Variants in ACBD6 observed in about 807,000 individuals in gnomAD.
ACBD6 encodes acyl-CoA binding domain containing 6.
In ACBD6, 28 loss-of-function variants were observed where a neutral mutation model predicts 37.2. The observed-to-expected ratio is 0.75, with a 90% CI of 0.56 to 1.03. ACBD6 has a LOEUF of 1.03. Ranked by LOEUF, ACBD6 falls within the 50% of genes least tolerant of loss-of-function variation. The pLI is 0.00. For missense variants in ACBD6, 340 were observed against 337.4 expected (o/e 1.01, Z -0.06); for synonymous variants, 113 against 126.8 (o/e 0.89, Z 0.73).
In ACBD6 at chr1:180,502,120, A is replaced by G; in HGVS notation, c.147T>C (p.Ala49=). The change falls in exon 1 of 8, where the codon GCT becomes GCC. Residue 49 remains alanine (A), a synonymous_variant. Coordinates refer to ENST00000367595, the MANE Select transcript of ACBD6 (RefSeq NM_032360.4). ...TSCLAELFEK[A]AAHLQGLIQV... is the part of the protein sequence containing the mutation. Reference sequence around the variant, plus strand: ...GAATCAGGCCTTGCAGGTGCGCGGCAGCCTTCTCAAACAGCTCGGCCAGGC... The same window carrying G: ...GAATCAGGCCTTGCAGGTGCGCGGCGGCCTTCTCAAACAGCTCGGCCAGGC... 3.1e-6 allele frequency: 5 copies of G among 1,614,016 alleles called. No individual in the cohort carries two copies. Among genetic ancestry groups the G allele is most frequent in the Non-Finnish European group, 4.2e-6 (5 of 1,179,964 alleles).
chr1:180,497,294 C>T (rs1228987379), intron 1 of ACBD6, among the ~76,000 whole-genome samples: 2 of 152,188 alleles, frequency 1.3e-5, no homozygotes, highest in African/African-American at 2.4e-5. Context: ...ACATGGCCAT[C>T]CAACTTCTGC....
intron 4 of ACBD6, among the ~76,000 whole-genome samples, chr1:180,428,644 A>G (rs1408352520): frequency 6.6e-6 from 1 of 152,242 alleles, no homozygotes; most frequent in African/African-American, 2.4e-5. Context: ...GTCATCAGAC[A>G]TTTGAAAAGA....
intron 1 of ACBD6, among the ~76,000 whole-genome samples, chr1:180,501,120 G>A (rs973483261): frequency 6.6e-6 from 1 of 152,158 alleles, no homozygotes; most frequent in African/African-American, 2.4e-5. Context: ...TCTGACTGAT[G>A]TATTTGTATG....
chr1:180,421,568 A>G (rs568664579), intron 4 of ACBD6, among the ~76,000 whole-genome samples: 1 of 152,338 alleles, frequency 6.6e-6, no homozygotes, highest in East Asian at 1.9e-4. Flanking sequence ...TCTTGCAGGA[A>G]TTGTCACACT....
In ACBD6 at chr1:180,502,242, C is replaced by T; in HGVS notation, c.25G>A (p.Gly9Arg). 1 of 1,613,720 alleles carries T rather than the reference C, an allele frequency of 6.2e-7. No homozygotes were observed. The highest frequency in any genetic ancestry group is 1.3e-5 in the African/African-American group (1 of 75,076). ...CCACCGCTGTCGCCGGTGATGGCCC[C>T]CGCGGGCAGGAATGATGAAGCCATG... Reference protein sequence around the residue: MASSFLPAGAITGDSGGEL... With the variant: MASSFLPARAITGDSGGEL... Residue 9 changes from glycine to arginine, a missense_variant, in exon 1 of 8, where the codon GGG (glycine) becomes AGG (arginine). Physicochemically the swap from Gly to Arg is moderately radical, Grantham distance 125. Coordinates refer to ENST00000367595, the MANE Select transcript of ACBD6 (RefSeq NM_032360.4).
At chr1:180,274,654 T>C in exon 10 of ACBD6, 2 of 1,459,778 alleles carry the variant, frequency 1.4e-6, no homozygotes, top group Non-Finnish European at 1.8e-6. Flanking sequence ...GACTTGCCTT[T>C]TAAGGATCGA....
At chr1:180,280,262 TAGAC>T (rs1253675616) in intron 9 of ACBD6, among the ~76,000 whole-genome samples, 6 of 152,178 alleles carry the variant, frequency 3.9e-5, no homozygotes, top group Admixed American at 3.9e-4. Flanking sequence ...TGAGACTCCT[TAGAC>T]AGTAGCAGTG....
chr1:180,425,386 A>T (rs770908948), intron 4 of ACBD6, among the ~76,000 whole-genome samples: 3 of 152,212 alleles, frequency 2.0e-5, no homozygotes, highest in Non-Finnish European at 4.4e-5. Flanking sequence ...TTAACAAGAC[A>T]TATGTCATCC....
chr1:180,394,391 GT>G (rs201149746), intron 6 of ACBD6, among the ~76,000 whole-genome samples: 3,477 of 146,912 alleles, frequency 0.024, 128 homozygotes, highest in African/African-American at 0.055. Context: ...CATCTGGCCA[GT>G]TTTTTTTTTT....
chr1:180,478,511 C>T (rs1205809005), intron 3 of ACBD6, among the ~76,000 whole-genome samples: 13 of 147,968 alleles, frequency 8.8e-5, no homozygotes, highest in East Asian at 7.9e-4. Flanking sequence ...TTTTTTGAGA[C>T]GGAGTCATGC....
At chr1:180,472,938 T>C (rs912955582) in intron 3 of ACBD6, among the ~76,000 whole-genome samples, 1 of 152,018 alleles carries the variant, frequency 6.6e-6, no homozygotes, top group Non-Finnish European at 1.5e-5. Context: ...AAACAAAGAC[T>C]ATACAGTACT....
At chr1:180,487,826 T>C (rs1184111468) in intron 3 of ACBD6, among the ~76,000 whole-genome samples, 3 of 152,100 alleles carry the variant, frequency 2.0e-5, no homozygotes, top group African/African-American at 7.2e-5. Flanking sequence ...GTTACAGCCA[T>C]AATGCAACAA....
At chr1:180,340,771 A>C (rs1651949318) in intron 6 of ACBD6, among the ~76,000 whole-genome samples, 1 of 152,132 alleles carries the variant, frequency 6.6e-6, no homozygotes, top group African/African-American at 2.4e-5. Context: ...AATACAAAGG[A>C]AAGTGAACTA....
At chr1:180,385,603 T>C (rs1203256452) in intron 6 of ACBD6, among the ~76,000 whole-genome samples, 1 of 151,902 alleles carries the variant, frequency 6.6e-6, no homozygotes, top group Non-Finnish European at 1.5e-5. Context: ...CTTAACGTGA[T>C]AGGGCTGGTT....
At chr1:180,374,195 A>G (rs1455893386) in intron 6 of ACBD6, among the ~76,000 whole-genome samples, 2 of 152,218 alleles carry the variant, frequency 1.3e-5, no homozygotes, top group Non-Finnish European at 2.9e-5. Flanking sequence ...GATTCCCATA[A>G]TGAAAAATAA....
At chr1:180,501,340 CATTATTATT>C (rs67704933) in intron 1 of ACBD6, among the ~76,000 whole-genome samples, 2 of 151,590 alleles carry the variant, frequency 1.3e-5, no homozygotes, top group South Asian at 2.1e-4. Context: ...CATTGCATCA[CATTATTATT>C]ATTATTATTA....
At chr1:180,443,275 A>G (rs1182244331) in intron 3 of ACBD6, among the ~76,000 whole-genome samples, 1 of 152,156 alleles carries the variant, frequency 6.6e-6, no homozygotes. Flanking sequence ...TATGCCCCAC[A>G]TATTACATTT....
intron 6 of ACBD6, among the ~76,000 whole-genome samples, chr1:180,321,930 G>C (rs1350511208): frequency 2.6e-5 from 4 of 152,034 alleles, no homozygotes; most frequent in Non-Finnish European, 5.9e-5. Context: ...TGGTGAAAAT[G>C]GGTTTCCTTG....
In ACBD6 at chr1:180,481,684, G is replaced by C. The variant is rs527992896; in HGVS notation, c.384+10585C>G. Reference sequence around the variant, plus strand: ...TTAAATAAAGTATTCCCCTTATACTGAGCATAAGTTATGCCCTGGAACTTG... The same window carrying C: ...TTAAATAAAGTATTCCCCTTATACTCAGCATAAGTTATGCCCTGGAACTTG... On this transcript the variant is annotated intron_variant, in intron 3 of 7. Coordinates refer to ENST00000367595, the MANE Select transcript of ACBD6 (RefSeq NM_032360.4). Among the ~76,000 whole-genome samples, 4 of 151,972 alleles carry C rather than the reference G, an allele frequency of 2.6e-5. No individual in the cohort carries two copies. The South Asian group carries it at 8.3e-4, about 32-fold the overall frequency.
Sources: gnomAD v4.1 joint callset for allele counts (sites outside exome capture counted in the v4.1 genomes callset) on GRCh38, gnomAD v4.1.1 for gene constraint, MANE v1.5 for transcripts, NCBI Gene and HGNC (gene_info 2026-07-23, HGNC 2026-07-21) for gene names.